Variants in MOB1A observed in about 807,000 individuals in gnomAD.
MOB1A encodes the protein MOB kinase activator 1A, also known as MOB1 Mps One Binder homolog A.
A neutral mutation model predicts 25.1 loss-of-function variants in MOB1A; 10 were observed. That is an observed-to-expected ratio of 0.40 (90% confidence interval 0.25 to 0.68). The LOEUF is 0.68. Ranked by LOEUF, MOB1A falls within the 30% of genes least tolerant of loss-of-function variation. The pLI is 0.40. For missense variants in MOB1A, 177 were observed against 256.3 expected, an observed-to-expected ratio of 0.69 and a Z score of 2.11; for synonymous variants, 81 against 79.5, an observed-to-expected ratio of 1.02 and a Z score of -0.10.
At chr2:74,159,347 A>C (rs1331879214) in intron 4 of MOB1A, 93 bp from the exon 5 acceptor site, 8 of 1,153,376 alleles carry the variant, frequency 6.9e-6, no homozygotes, top group Non-Finnish European at 1.0e-5. Flanking sequence ...TCACTCAGGC[A>C]GTGGTGCAAT....
rs1338268757 is a variant in MOB1A at position 74,171,594 on chromosome 2, T to A, written c.181+992A>T. 3.3e-5 allele frequency among the ~76,000 whole-genome samples: 5 copies of A among 152,240 alleles called. No individual in the cohort carries two copies. The East Asian group carries it at 9.7e-4, about 30-fold the overall frequency. Reference sequence around the variant, plus strand: ...ACTGTACTTAGTCTACTTTTATATGTTTGAAATTTTCCATTAAGAAGTTTT... The same window carrying A: ...ACTGTACTTAGTCTACTTTTATATGATTGAAATTTTCCATTAAGAAGTTTT... On this transcript the variant is annotated intron_variant, in intron 2 of 5. Transcript: ENST00000396049.
In MOB1A at chr2:74,153,815, G is replaced by A. The variant is rs1209080114; in HGVS notation, c.*2753C>T. On this transcript the variant is annotated 3_prime_UTR_variant, in exon 6 of 6. Transcript: ENST00000396049. Reference sequence around the variant, plus strand: ...CAAGGGGGAAGGGAGTGAGTGTTATGGAACAGGCAAACCTTGGGCATGGGG... The same window carrying A: ...CAAGGGGGAAGGGAGTGAGTGTTATAGAACAGGCAAACCTTGGGCATGGGG... 3.3e-5 allele frequency: 5 copies of A among 152,218 alleles called. No individual in the cohort carries two copies. The highest frequency in any genetic ancestry group is 2.1e-4 in the South Asian group (1 of 4,824). 9.4% of individuals were successfully genotyped at this position (152,218 alleles called of 1,614,324 possible). A position where few individuals can be genotyped will look rare whatever the true frequency, so the allele number is the denominator to read the frequency against.
At position 74,178,680 on chromosome 2, in the gene MOB1A, G is replaced by T. The variant is rs758985092; in HGVS notation, c.-6C>A. ...ACTCACAAGAGGAAGCTCATCTTCGGTCCTCAGAGGGGAGGCGAGGGGCCC... is the reference window on the plus strand; with the variant it reads ...ACTCACAAGAGGAAGCTCATCTTCGTTCCTCAGAGGGGAGGCGAGGGGCCC... On this transcript the variant is annotated 5_prime_UTR_variant, in exon 1 of 6. Coordinates refer to ENST00000396049, the MANE Select transcript of MOB1A (RefSeq NM_018221.5). 8 of 1,345,492 alleles carry T rather than the reference G, an allele frequency of 5.9e-6. No homozygotes were observed. In the South Asian group the frequency reaches 8.1e-5, roughly 14 times the overall value. The allele number at this position is 1,345,492 out of a possible 1,614,324, so 83.3% of individuals were successfully genotyped here. A position where few individuals can be genotyped will look rare whatever the true frequency, so the allele number is the denominator to read the frequency against.
chr2:74,173,486 T>C (rs2103741321), intron 1 of MOB1A, among the ~76,000 whole-genome samples: 1 of 148,648 alleles, frequency 6.7e-6, no homozygotes, highest in African/African-American at 2.5e-5. Context: ...GTTCAAGCGA[T>C]TCTCCTGCCT....
At position 74,154,971 on chromosome 2, in the gene MOB1A, T is replaced by C. The variant is rs1021294255; in HGVS notation, c.*1597A>G. On this transcript the variant is annotated 3_prime_UTR_variant, in exon 6 of 6. Transcript: ENST00000396049. ...ATATTTAAGAATTTCTAGGAAATGA[T>C]TATTTAAAATGGAGTTTCTAAGTAA... 3.3e-5 allele frequency: 5 copies of C among 152,232 alleles called. No homozygotes were observed. The highest frequency in any genetic ancestry group is 1.2e-4 in the African/African-American group (5 of 41,464). The allele number at this position is 152,232 out of a possible 1,614,324, so 9.4% of individuals were successfully genotyped here.
chr2:74,155,375 T>G lies in MOB1A; in HGVS notation c.*1193A>C, dbSNP rs1233197891. The G allele has an allele frequency of 6.5e-6, 1 of 152,672 alleles. No homozygotes were observed. The highest frequency in any genetic ancestry group is 2.4e-5 in the African/African-American group (1 of 41,474). 9.5% of individuals were successfully genotyped at this position (152,672 alleles called of 1,614,324 possible). On this transcript the variant is annotated 3_prime_UTR_variant, in exon 6 of 6. Coordinates refer to ENST00000396049, the MANE Select transcript of MOB1A (RefSeq NM_018221.5). ...GGAAGCTCAGTCCATCTTTTGAATA[T>G]TAACAAAATGAGGATTTTTTTAAAA...
intron 4 of MOB1A, among the ~76,000 whole-genome samples, chr2:74,160,288 G>C (rs1692931393): frequency 6.6e-6 from 1 of 152,066 alleles, no homozygotes; most frequent in South Asian, 2.1e-4. Context: ...CTGAGTTCAA[G>C]ATAAGCCTGA....
At chr2:74,174,108 A>G (rs1274209354) in intron 1 of MOB1A, among the ~76,000 whole-genome samples, 7 of 135,316 alleles carry the variant, frequency 5.2e-5, no homozygotes, top group Non-Finnish European at 1.1e-4. Context: ...TCCACTAAAA[A>G]ACAAGTACAA....
In MOB1A at chr2:74,178,836, C is replaced by G. The variant is rs1407613458; in HGVS notation, c.-162G>C. The G allele has an allele frequency of 2.4e-6, 1 of 418,608 alleles. No individual in the cohort carries two copies. Among genetic ancestry groups the G allele is most frequent in the Admixed American group, 4.5e-5 (1 of 22,346 alleles). 25.9% of individuals were successfully genotyped at this position (418,608 alleles called of 1,614,324 possible). On this transcript the variant is annotated 5_prime_UTR_variant, in exon 1 of 6. Coordinates refer to ENST00000396049, the MANE Select transcript of MOB1A (RefSeq NM_018221.5). ...GGCCGCTGCGAGCCTTTGCAAACCT[C>G]GGCGCCCGCCTTGCCCGCCTACCCC...
intron 2 of MOB1A, among the ~76,000 whole-genome samples, chr2:74,171,855 A>G (rs1693304427): frequency 2.0e-5 from 3 of 152,178 alleles, no homozygotes; most frequent in Admixed American, 6.6e-5. Context: ...GTGAAGCAAG[A>G]TTGAGCCATT....
intron 1 of MOB1A, among the ~76,000 whole-genome samples, chr2:74,174,448 G>A (rs1693395084): frequency 6.6e-6 from 1 of 151,960 alleles, no homozygotes; most frequent in African/African-American, 2.4e-5. Flanking sequence ...AAGATAAAAA[G>A]AAAATGGCGC....
intron 5 of MOB1A, among the ~76,000 whole-genome samples, 193 bp downstream of exon 5, chr2:74,158,897 TG>T (rs1692879430): frequency 1.3e-5 from 2 of 151,634 alleles, no homozygotes; most frequent in African/African-American, 4.9e-5. Context: ...AAGGCCCAAA[TG>T]GGGGTGATAC....
chr2:74,165,451 T>G (rs1693103541), intron 3 of MOB1A, 100 bp from the exon 4 acceptor site: 3 of 632,482 alleles, frequency 4.7e-6, no homozygotes, highest in Non-Finnish European at 7.3e-6. Context: ...CAATAGAAGT[T>G]ACATCTAACT....
intron 4 of MOB1A, among the ~76,000 whole-genome samples, chr2:74,160,684 A>T (rs1368268587): frequency 2.6e-5 from 4 of 151,558 alleles, no homozygotes; most frequent in African/African-American, 9.7e-5. Context: ...TGGGTGACAG[A>T]GCGAGACTCC....
At chr2:74,159,828 C>T (rs77644336) in intron 4 of MOB1A, among the ~76,000 whole-genome samples, 6 of 112,738 alleles carry the variant, frequency 5.3e-5, no homozygotes, top group South Asian at 3.5e-4. Context: ...TCCCCCCCCC[C>T]ACCCCGGAGA....
intron 5 of MOB1A, 88 bp downstream of exon 5, chr2:74,159,003 A>AT: frequency 7.5e-7 from 1 of 1,331,902 alleles, no homozygotes. Flanking sequence ...CTCTACATCT[A>AT]TAACTAAGAC....
chr2:74,155,258 T>G lies in MOB1A; in HGVS notation c.*1310A>C, dbSNP rs1558828717. 6.6e-6 allele frequency: 1 copy of G among 152,640 alleles called. No homozygotes were observed. Among genetic ancestry groups the G allele is most frequent in the Non-Finnish European group, 1.5e-5 (1 of 68,028 alleles). The allele number at this position is 152,640 out of a possible 1,614,324, so 9.5% of individuals were successfully genotyped here. On this transcript the variant is annotated 3_prime_UTR_variant, in exon 6 of 6. Coordinates refer to ENST00000396049, the MANE Select transcript of MOB1A (RefSeq NM_018221.5). ...AATCAAATAAAAAATAAATGTTTTC[T>G]TCACTGAAGGGGAAGGCTTTTATAT...
chr2:74,166,561 G>A (rs1329948520), intron 3 of MOB1A, among the ~76,000 whole-genome samples: 1 of 152,190 alleles, frequency 6.6e-6, no homozygotes, highest in African/African-American at 2.4e-5. Flanking sequence ...CTGGCCAGGT[G>A]CAGTGGCTCA....
Position 74,152,849 on chromosome 2 carries a change from T to C in MOB1A, c.*3719A>G, listed in dbSNP as rs769275085. The C allele has an allele frequency of 6.6e-6, 1 of 152,190 alleles. No homozygotes were observed. 9.4% of individuals were successfully genotyped at this position (152,190 alleles called of 1,614,324 possible). On this transcript the variant is annotated 3_prime_UTR_variant, in exon 6 of 6. Coordinates refer to ENST00000396049, the MANE Select transcript of MOB1A (RefSeq NM_018221.5). Reference sequence around the variant, plus strand: ...AGTCTGTAGCACACTGGTAATCCATTTGGATCTACAGAATACTTGTTTGGA... The same window carrying C: ...AGTCTGTAGCACACTGGTAATCCATCTGGATCTACAGAATACTTGTTTGGA...
Sources: gnomAD v4.1 joint callset for allele counts (sites outside exome capture counted in the v4.1 genomes callset) on GRCh38, gnomAD v4.1.1 for gene constraint, MANE v1.5 for transcripts, NCBI Gene and HGNC (gene_info 2026-07-23, HGNC 2026-07-21) for gene names.